The following CARS1 variants were observed in gnomAD, a reference collection of about 807,000 sequenced individuals.
The protein encoded by CARS1 is cysteine--tRNA ligase, cytoplasmic.
A neutral mutation model predicts 106.2 loss-of-function variants in CARS1; 48 were observed. The observed-to-expected ratio is 0.45, with a 90% CI of 0.36 to 0.57. The LOEUF is 0.57. Ranked by LOEUF, CARS1 falls within the 20% of genes least tolerant of loss-of-function variation. The pLI is 0.00. For synonymous variants in CARS1, 409 were observed against 403.4 expected (o/e 1.01, Z -0.17); for missense variants, 968 against 1,057.2 (o/e 0.92, Z 1.17).
In CARS1 at chr11:3,040,104, G is replaced by GAT. The variant is rs1229614686; in HGVS notation, c.456-175_456-174dup. 33 of 547,676 alleles carry GAT rather than the reference G, an allele frequency of 6.0e-5. No individual in the cohort carries two copies. Among genetic ancestry groups the GAT allele is most frequent in the Middle Eastern group, 3.8e-4 (1 of 2,630 alleles). 33.9% of individuals were successfully genotyped at this position (547,676 alleles called of 1,614,324 possible). A position where few individuals can be genotyped will look rare whatever the true frequency, so the allele number is the denominator to read the frequency against. On this transcript the variant is annotated intron_variant, in intron 4 of 22. Coordinates refer to ENST00000380525, the MANE Select transcript of CARS1 (RefSeq NM_001014437.3). The surrounding 1 kb of genome is among the most constrained non-coding windows in gnomAD (Gnocchi z 5.8). ...GTCTACTCAACGTGAAGATGGCAAG[G>GAT]ATGATGACCTTTATAATGATCCACT...
intron 10 of CARS1, among the ~76,000 whole-genome samples, chr11:3,024,730 G>A (rs1206469023): frequency 6.6e-6 from 1 of 152,192 alleles, no homozygotes; most frequent in Non-Finnish European, 1.5e-5. Flanking sequence ...TTACAGGTGT[G>A]GGTCGCCATG....
chr11:3,015,399 C>G (rs954900942), intron 17 of CARS1, among the ~76,000 whole-genome samples: 1 of 152,254 alleles, frequency 6.6e-6, no homozygotes, highest in African/African-American at 2.4e-5. Context: ...TTTGTGAGCT[C>G]TGCAGCCTTT....
intron 10 of CARS1, among the ~76,000 whole-genome samples, chr11:3,025,115 C>T (rs1851922451): frequency 6.6e-6 from 1 of 152,184 alleles, no homozygotes; most frequent in South Asian, 2.1e-4. Context: ...TTCATCATCA[C>T]AAACCCGCCC....
chr11:3,013,875 C>T (rs1345983701), intron 17 of CARS1, among the ~76,000 whole-genome samples: 1 of 152,122 alleles, frequency 6.6e-6, no homozygotes, highest in Non-Finnish European at 1.5e-5. Flanking sequence ...ACTCCTATAT[C>T]CATAACTGAA....
Position 3,017,071 on chromosome 11 carries a change from G to A in CARS1, c.1917+35C>T. On this transcript the variant is annotated intron_variant, in intron 16 of 22. Transcript: ENST00000380525. The surrounding 1 kb of genome is among the most constrained non-coding windows in gnomAD (Gnocchi z 4.9). ...GGGGCCTGGCTCCTGTGTCCACACA[G>A]GCTGAGGGATACGCCTGCCTGGGGC... is the stretch of plus-strand genomic sequence containing the variant. 1.3e-6 allele frequency: 2 copies of A among 1,584,864 alleles called. No individual in the cohort carries two copies.
In CARS1 at chr11:3,037,900, A is replaced by G; in HGVS notation, c.801+150T>C. ...GGGGCACTGACTCAGCCACCGCAGA[A>G]CAGGGCCGCCTGCCACAGTGGAGCT... On this transcript the variant is annotated intron_variant, in intron 7 of 22. Coordinates refer to ENST00000380525, the MANE Select transcript of CARS1 (RefSeq NM_001014437.3). The surrounding 1 kb of genome is among the most constrained non-coding windows in gnomAD (Gnocchi z 5.9). 3 of 760,274 alleles carry G rather than the reference A, an allele frequency of 3.9e-6. No individual in the cohort carries two copies. The highest frequency in any genetic ancestry group is 6.2e-6 in the Non-Finnish European group (3 of 481,512). The allele number at this position is 760,274 out of a possible 1,614,324, so 47.1% of individuals were successfully genotyped here. A position where few individuals can be genotyped will look rare whatever the true frequency, so the allele number is the denominator to read the frequency against.
Position 3,017,088 on chromosome 11 carries a change from G to A in CARS1, c.1917+18C>T, listed in dbSNP as rs1851094744. 2 of 1,603,570 alleles carry A rather than the reference G, an allele frequency of 1.2e-6. No individual in the cohort carries two copies. The highest frequency in any genetic ancestry group is 1.7e-5 in the Admixed American group (1 of 59,692). ...TCCACACAGGCTGAGGGATACGCCT[G>A]CCTGGGGCCTGGCTTACCTTCAGCA... On this transcript the variant is annotated intron_variant, in intron 16 of 22. Transcript: ENST00000380525. This position sits in a 1 kb window ranked among gnomAD's most constrained non-coding sequence, Gnocchi z 4.9.
Position 3,020,549 on chromosome 11 carries a change from T to G in CARS1, c.1154-217A>C, listed in dbSNP as rs1374481896. Among the ~76,000 whole-genome samples the G allele has an allele frequency of 6.6e-6, 1 of 152,178 alleles. No individual in the cohort carries two copies. Among genetic ancestry groups the G allele is most frequent in the Non-Finnish European group, 1.5e-5 (1 of 68,046 alleles). On this transcript the variant is annotated intron_variant, in intron 10 of 22. Coordinates refer to ENST00000380525, the MANE Select transcript of CARS1 (RefSeq NM_001014437.3). The surrounding 1 kb of genome is among the most constrained non-coding windows in gnomAD (Gnocchi z 4.6). ...ACAAAACGGTACATAATCCCCAAAGTCACCAGCTTATATACCTGGCTGACT... is the reference window on the plus strand; with the variant it reads ...ACAAAACGGTACATAATCCCCAAAGGCACCAGCTTATATACCTGGCTGACT...
In CARS1 at chr11:3,029,395, T is replaced by C; in HGVS notation, c.850A>G (p.Thr284Ala). ...TTGTCAGTGACATCACAGCCAAGTG[T>C]AGAATCCAGCCAGTCAGAGAGCAAA... Reference protein sequence around the residue: ...KDLLSDWLDSTLGCDVTDNSI... With the variant: ...KDLLSDWLDSALGCDVTDNSI... The change falls in exon 8 of 23, where the codon ACA becomes GCA. Residue 284 changes from threonine to alanine, a missense_variant. Coordinates refer to ENST00000380525, the MANE Select transcript of CARS1 (RefSeq NM_001014437.3). This position sits in a 1 kb window ranked among gnomAD's most constrained non-coding sequence, Gnocchi z 5.9. The C allele has an allele frequency of 1.9e-6, 3 of 1,614,118 alleles. No individual in the cohort carries two copies. The highest frequency in any genetic ancestry group is 2.5e-6 in the Non-Finnish European group (3 of 1,179,986).
chr11:3,005,709 T>C (rs956220887), intron 19 of CARS1, among the ~76,000 whole-genome samples: 3 of 150,132 alleles, frequency 2.0e-5, no homozygotes, highest in African/African-American at 7.4e-5. Context: ...CTCAGTTCAC[T>C]GCAACCTTTG....
chr11:3,022,501 C>T lies in CARS1; in HGVS notation c.1154-2169G>A, dbSNP rs533213505. Among the ~76,000 whole-genome samples, 23 of 152,300 alleles carry T rather than the reference C, an allele frequency of 1.5e-4. No homozygotes were observed. Among genetic ancestry groups the T allele is most frequent in the Admixed American group, 2.0e-4 (3 of 15,298 alleles). Reference sequence around the variant, plus strand: ...CCATACAATTACTACGCTTCTTCTACGGCAACCCCTGGTATCCCGGTATAC... The same window carrying T: ...CCATACAATTACTACGCTTCTTCTATGGCAACCCCTGGTATCCCGGTATAC... On this transcript the variant is annotated intron_variant, in intron 10 of 22. Coordinates refer to ENST00000380525, the MANE Select transcript of CARS1 (RefSeq NM_001014437.3). The surrounding 1 kb of genome is among the most constrained non-coding windows in gnomAD (Gnocchi z 4.9).
rs761338230 is a variant in CARS1, at chr11:3,017,536, G to A, written c.1728-241C>T. The A allele has an allele frequency of 3.6e-5, 20 of 559,162 alleles. No individual in the cohort carries two copies. The highest frequency in any genetic ancestry group is 2.4e-4 in the South Asian group (10 of 41,428). The allele number at this position is 559,162 out of a possible 1,614,324, so 34.6% of individuals were successfully genotyped here. On this transcript the variant is annotated intron_variant, in intron 15 of 22. Coordinates refer to ENST00000380525, the MANE Select transcript of CARS1 (RefSeq NM_001014437.3). The surrounding 1 kb of genome is among the most constrained non-coding windows in gnomAD (Gnocchi z 4.9). ...CGCATGCCTGTAACCCCAGCTACTC[G>A]GGAGGCTGAGGCAGGAGAATCGCTC...
chr11:3,007,594 A>C (rs1850021838), intron 18 of CARS1: 1 of 152,528 alleles, frequency 6.6e-6, no homozygotes, highest in African/African-American at 2.4e-5. Flanking sequence ...GGTGGACCGC[A>C]GGTTGCTTCC....
chr11:3,029,417 C>T lies in CARS1; in HGVS notation c.828G>A (p.Leu276=). ...VEVLLEEAKD[L]LSDWLDSTLG... ...GTGTAGAATCCAGCCAGTCAGAGAG[C>T]AAATCCTTGGCTTCTTCCAGCAACA... The change falls in exon 8 of 23, where the codon TTG becomes TTA. Residue 276 remains leucine (L), a synonymous_variant. Coordinates refer to ENST00000380525, the MANE Select transcript of CARS1 (RefSeq NM_001014437.3). The surrounding 1 kb of genome is among the most constrained non-coding windows in gnomAD (Gnocchi z 5.9). 2 of 1,614,032 alleles carry T rather than the reference C, an allele frequency of 1.2e-6. No individual in the cohort carries two copies. The highest frequency in any genetic ancestry group is 1.1e-5 in the South Asian group (1 of 91,074).
chr11:3,006,833 T>TCCAAGCTCCTGG (rs1290707519), intron 19 of CARS1, 46 bp downstream of exon 19: 1 of 1,486,464 alleles, frequency 6.7e-7, no homozygotes, highest in East Asian at 2.3e-5. Flanking sequence ...GTGACACCTC[T>TCCAAGCTCCTGG]CCAAGCTCCT....
At chr11:3,025,470 C>T (rs2134176443) in intron 10 of CARS1, among the ~76,000 whole-genome samples, 1 of 152,350 alleles carries the variant, frequency 6.6e-6, no homozygotes, top group South Asian at 2.1e-4. Context: ...TCAGGTGATC[C>T]ACCCACCTCG....
At chr11:3,042,418 A>C in intron 2 of CARS1, 162 bp from the exon 3 acceptor site, 1 of 581,920 alleles carries the variant, frequency 1.7e-6, no homozygotes, top group Non-Finnish European at 3.0e-6. Flanking sequence ...CGCAGGTCAA[A>C]GACAACTGCG....
At chr11:3,007,034 TGGGG>T in intron 18 of CARS1, 75 bp from the exon 19 acceptor site, 39 of 1,207,912 alleles carry the variant, frequency 3.2e-5, no homozygotes, top group Non-Finnish European at 4.0e-5. Context: ...CCTCCAGTGC[TGGGG>T]AAGGAGGGGC....
chr11:3,006,976 GCA>G lies in CARS1; in HGVS notation c.2069-19_2069-18del. 6.2e-7 allele frequency: 1 copy of G among 1,608,418 alleles called. No individual in the cohort carries two copies. The highest frequency in any genetic ancestry group is 1.1e-5 in the South Asian group (1 of 90,958). On this transcript the variant is annotated intron_variant, in intron 18 of 22. Coordinates refer to ENST00000380525, the MANE Select transcript of CARS1 (RefSeq NM_001014437.3). ...TCTCAGGGACTGTAGGAGAAGCAGA[GCA>G]GTTCCCTCAGACATGGAGGAGCCAG...
Sources: gnomAD v4.1 joint callset for allele counts (sites outside exome capture counted in the v4.1 genomes callset) on GRCh38, gnomAD v4.1.1 for gene constraint, Gnocchi (gnomAD v3.1) non-coding constraint, MANE v1.5 for transcripts, NCBI Gene and HGNC (gene_info 2026-07-23, HGNC 2026-07-21) for gene names.